TMEM132D: variants seen among roughly 807,000 people sequenced by gnomAD.
The protein encoded by TMEM132D is mature OL transmembrane protein.
In TMEM132D, 21 loss-of-function variants were observed where a neutral mutation model predicts 62.3. The observed-to-expected ratio is 0.34, with a 90% CI of 0.24 to 0.49. The LOEUF is 0.49. Among genes scored for constraint, TMEM132D ranks in the 20% least tolerant of loss-of-function variants. TMEM132D has a pLI of 0.99. For missense variants in TMEM132D, 1,346 were observed against 1,402.8 expected (o/e 0.96, Z 0.65); for synonymous variants, 621 against 575.6 (o/e 1.08, Z -1.13).
intron 1 of TMEM132D, among the ~76,000 whole-genome samples, chr12:129,889,715 T>C (rs1012935828): frequency 6.6e-6 from 1 of 152,234 alleles, no homozygotes; most frequent in African/African-American, 2.4e-5. Flanking sequence ...CTTTTTCTCT[T>C]TATAGCATCT....
chr12:129,647,457 G>T (rs1240014257), intron 2 of TMEM132D, among the ~76,000 whole-genome samples: 3 of 151,984 alleles, frequency 2.0e-5, no homozygotes, highest in Admixed American at 2.0e-4. Context: ...AGAGCTTCTG[G>T]GTGTGTGTCT....
intron 4 of TMEM132D, among the ~76,000 whole-genome samples, chr12:129,329,295 A>AT (rs1483850547): frequency 2.6e-5 from 4 of 152,026 alleles, no homozygotes; most frequent in Non-Finnish European, 5.9e-5. Flanking sequence ...TAGAGAAGAG[A>AT]TTTTTTCAAG....
Position 129,189,895 on chromosome 12 carries a change from G to A in TMEM132D, c.1443+19625C>T, listed in dbSNP as rs141936028. Among the ~76,000 whole-genome samples the A allele has an allele frequency of 3.7e-3, 557 of 152,272 alleles. 9 individuals carry two copies. Among genetic ancestry groups the A allele is most frequent in the African/African-American group, 0.012 (509 of 41,528 alleles). ...GGAATTGGAGTCGCTAACAGCTGAT[G>A]TTGAGATGGGGAAGCTATCCTGATT... is the stretch of plus-strand genomic sequence containing the variant. On this transcript the variant is annotated intron_variant, in intron 5 of 8. Transcript: ENST00000422113.
chr12:129,731,111 A>G (rs994779463), intron 1 of TMEM132D, among the ~76,000 whole-genome samples: 3 of 152,010 alleles, frequency 2.0e-5, no homozygotes. Flanking sequence ...TGCTATTTCA[A>G]TTGGTTTAGA....
intron 4 of TMEM132D, among the ~76,000 whole-genome samples, chr12:129,333,785 G>C (rs1040721470): frequency 1.3e-5 from 2 of 152,132 alleles, no homozygotes; most frequent in African/African-American, 4.8e-5. Flanking sequence ...GGGTGCTCGG[G>C]ATGGAGAGGA....
chr12:129,285,654 C>T (rs1008812451), intron 4 of TMEM132D, among the ~76,000 whole-genome samples: 4 of 151,790 alleles, frequency 2.6e-5, no homozygotes, highest in South Asian at 2.1e-4. Flanking sequence ...AGTGGAATGA[C>T]TAAAATTTAC....
At chr12:129,497,827 T>C (rs1208108121) in intron 3 of TMEM132D, among the ~76,000 whole-genome samples, 3 of 152,130 alleles carry the variant, frequency 2.0e-5, no homozygotes, top group Non-Finnish European at 4.4e-5. Context: ...GCCCAGCTAA[T>C]TTTTTATGTT....
At chr12:129,452,953 G>A (rs1415740304) in intron 3 of TMEM132D, among the ~76,000 whole-genome samples, 2 of 152,166 alleles carry the variant, frequency 1.3e-5, no homozygotes, top group Non-Finnish European at 2.9e-5. Context: ...ACCCATACTG[G>A]TTGGTGGCCT....
At chr12:129,677,738 G>A (rs916826108) in intron 2 of TMEM132D, among the ~76,000 whole-genome samples, 11 of 151,756 alleles carry the variant, frequency 7.2e-5, no homozygotes, top group Non-Finnish European at 1.2e-4. Flanking sequence ...ACTAGAACAC[G>A]TTTAGTATTC....
chr12:129,542,208 G>A (rs935723736), intron 2 of TMEM132D, among the ~76,000 whole-genome samples: 1 of 152,126 alleles, frequency 6.6e-6, no homozygotes, highest in African/African-American at 2.4e-5. Context: ...ATTCACAGGG[G>A]GCTGAGATGT....
At chr12:129,808,122 C>A (rs1194223280) in intron 1 of TMEM132D, among the ~76,000 whole-genome samples, 1 of 152,098 alleles carries the variant, frequency 6.6e-6, no homozygotes, top group African/African-American at 2.4e-5. Context: ...AGTTGCACAC[C>A]GAACATTATT....
chr12:129,183,408 C>T (rs1878125009), intron 5 of TMEM132D, among the ~76,000 whole-genome samples: 1 of 152,354 alleles, frequency 6.6e-6, no homozygotes, highest in East Asian at 1.9e-4. Context: ...AAAGCCATTT[C>T]TAGCCTTGGT....
chr12:129,590,854 G>A (rs890693760), intron 2 of TMEM132D, among the ~76,000 whole-genome samples: 1 of 152,094 alleles, frequency 6.6e-6, no homozygotes, highest in Non-Finnish European at 1.5e-5. Context: ...CCCTTGTCAT[G>A]GTCCAATTTG....
chr12:129,766,338 G>A (rs893101302), intron 1 of TMEM132D, among the ~76,000 whole-genome samples: 11 of 152,238 alleles, frequency 7.2e-5, no homozygotes, highest in Middle Eastern at 3.4e-3. Context: ...TTCTATGTGC[G>A]TGTAACTTTT....
chr12:129,585,933 CAT>C (rs1878018439), intron 2 of TMEM132D, among the ~76,000 whole-genome samples: 1 of 151,710 alleles, frequency 6.6e-6, no homozygotes, highest in Admixed American at 6.6e-5. Flanking sequence ...AAAAGAAAAA[CAT>C]AATAGAGAAA....
intron 3 of TMEM132D, among the ~76,000 whole-genome samples, chr12:129,472,626 A>T (rs1329642900): frequency 6.6e-6 from 1 of 152,192 alleles, no homozygotes; most frequent in Non-Finnish European, 1.5e-5. Flanking sequence ...CAACCCCATC[A>T]AAAAGAGGAC....
intron 2 of TMEM132D, among the ~76,000 whole-genome samples, chr12:129,538,528 G>A (rs1321019014): frequency 6.6e-6 from 1 of 152,140 alleles, no homozygotes; most frequent in Non-Finnish European, 1.5e-5. Flanking sequence ...TGAAACCATG[G>A]ATAGTACTAA....
At chr12:129,492,339 A>T (rs78859078) in intron 3 of TMEM132D, among the ~76,000 whole-genome samples, 1,633 of 152,326 alleles carry the variant, frequency 0.011, 28 homozygotes, top group East Asian at 0.06. Context: ...TTAAGAAAAC[A>T]TGAGAGAGAT....
intron 4 of TMEM132D, among the ~76,000 whole-genome samples, chr12:129,265,553 G>A (rs76566436): frequency 0.02 from 3,058 of 152,056 alleles, 111 homozygotes; most frequent in African/African-American, 0.07. Context: ...TGTCCCTCCC[G>A]GCCCTCATGG....
Sources: gnomAD v4.1 joint callset for allele counts (sites outside exome capture counted in the v4.1 genomes callset) on GRCh38, gnomAD v4.1.1 for gene constraint, MANE v1.5 for transcripts, NCBI Gene and HGNC (gene_info 2026-07-23, HGNC 2026-07-21) for gene names.